Variants in LIMK2 observed in about 807,000 individuals in gnomAD.
LIMK2 encodes the protein LIM domain kinase 2.
Under a neutral mutation model 75.7 loss-of-function variants are expected in LIMK2, and 35 were observed. The ratio of observed to expected loss-of-function variants is 0.46; its 90% CI spans 0.35 to 0.61. LIMK2 has a LOEUF of 0.61. LIMK2 is among the 20% of genes least tolerant of loss of function. The pLI is 0.00. For synonymous variants in LIMK2, 301 were observed against 319.2 expected (o/e 0.94, Z 0.61); for missense variants, 623 against 831.0 (o/e 0.75, Z 3.08).
rs141429093 is a variant in LIMK2 at position 31,233,394 on chromosome 22, A to T, written c.116+7575A>T. Reference sequence around the variant, plus strand: ...ATGTTCTCTTCCCTTGGCTTTCATGACATTCCACACTCTCCTGGTTTTCTC... The same window carrying T: ...ATGTTCTCTTCCCTTGGCTTTCATGTCATTCCACACTCTCCTGGTTTTCTC... On this transcript the variant is annotated intron_variant, in intron 2 of 15. Coordinates refer to ENST00000331728, the MANE Select transcript of LIMK2 (RefSeq NM_005569.4). Among the ~76,000 whole-genome samples, 38 of 152,302 alleles carry T rather than the reference A, an allele frequency of 2.5e-4. No homozygotes were observed. The East Asian group carries it at 2.7e-3, about 11-fold the overall frequency.
intron 15 of LIMK2, chr22:31,276,729 GCCCCGGCCCCGGCC>G (rs2049026774): frequency 6.8e-7 from 1 of 1,473,560 alleles, no homozygotes; most frequent in South Asian, 1.3e-5. Context: ...GGCGTTGGCG[GCCCCGGCCCCGGCC>G]CCCAGGCCAG....
intron 2 of LIMK2, among the ~76,000 whole-genome samples, chr22:31,235,906 C>A (rs1173147026): frequency 6.6e-6 from 1 of 152,186 alleles, no homozygotes; most frequent in African/African-American, 2.4e-5. Flanking sequence ...CACTCTAGAA[C>A]CAGATTGCTT....
chr22:31,219,824 G>A (rs1375015301), intron 1 of LIMK2, among the ~76,000 whole-genome samples: 3 of 152,014 alleles, frequency 2.0e-5, no homozygotes, highest in African/African-American at 4.8e-5. Flanking sequence ...CACCCGCCTC[G>A]GCCTCCCAAA....
chr22:31,231,545 G>A (rs774339206), intron 2 of LIMK2, among the ~76,000 whole-genome samples: 4 of 152,200 alleles, frequency 2.6e-5, no homozygotes, highest in African/African-American at 4.8e-5. Context: ...CAGACATCTG[G>A]TTCTTCCTCT....
At chr22:31,230,056 C>CTTTT (rs33933239) in intron 2 of LIMK2, 95 of 120,704 alleles carry the variant, frequency 7.9e-4, no homozygotes, top group African/African-American at 1.1e-3. Context: ...TTCTTTCTTT[C>CTTTT]TTTTTTTTTT....
rs1231190141 is a variant in LIMK2, at chr22:31,245,656, T to C, written c.117-12635T>C. ...GGTCTTGGTTTGTTACCCAGGCTGGTCTCAAACTTCTGGCTTCAAGCAGTC... is the reference window on the plus strand; with the variant it reads ...GGTCTTGGTTTGTTACCCAGGCTGGCCTCAAACTTCTGGCTTCAAGCAGTC... On this transcript the variant is annotated intron_variant, in intron 2 of 15. Transcript: ENST00000331728. Among the ~76,000 whole-genome samples, 4 of 152,016 alleles carry C rather than the reference T, an allele frequency of 2.6e-5. No homozygotes were observed. The East Asian group carries it at 7.7e-4, about 29-fold the overall frequency.
At chr22:31,239,598 A>T (rs951208950) in intron 2 of LIMK2, among the ~76,000 whole-genome samples, 5 of 151,908 alleles carry the variant, frequency 3.3e-5, no homozygotes, top group African/African-American at 1.2e-4. Context: ...ACCTCTCCCC[A>T]CCAATCAGAG....
intron 14 of LIMK2, among the ~76,000 whole-genome samples, 158 bp downstream of exon 14, chr22:31,273,665 C>T (rs1030362073): frequency 2.6e-5 from 4 of 152,148 alleles, no homozygotes; most frequent in African/African-American, 9.7e-5. Flanking sequence ...ATCTTTGCCA[C>T]GTTCGTGTTT....
intron 1 of LIMK2, among the ~76,000 whole-genome samples, chr22:31,221,477 A>C (rs1392045385): frequency 2.6e-5 from 4 of 151,754 alleles, no homozygotes; most frequent in Non-Finnish European, 4.4e-5. Flanking sequence ...ATTATAAATA[A>C]ATAATAATAA....
chr22:31,246,211 A>C (rs1393538899), intron 2 of LIMK2, among the ~76,000 whole-genome samples: 1 of 147,250 alleles, frequency 6.8e-6, no homozygotes, highest in African/African-American at 2.6e-5. Flanking sequence ...ACACACACAC[A>C]CACACGCTGG....
At chr22:31,252,136 T>G (rs961611444) in intron 2 of LIMK2, among the ~76,000 whole-genome samples, 1 of 152,236 alleles carries the variant, frequency 6.6e-6, no homozygotes, top group Non-Finnish European at 1.5e-5. Flanking sequence ...AAGTGAGGGC[T>G]GGGCCTCTAT....
At chr22:31,265,874 TC>T in intron 7 of LIMK2, 71 bp from the exon 8 acceptor site, 1 of 1,307,476 alleles carries the variant, frequency 7.6e-7, no homozygotes, top group Non-Finnish European at 1.1e-6. Context: ...CCCCTAAGTT[TC>T]CTCCCTCCAG....
At chr22:31,266,746 T>TC (rs2048899959) in intron 8 of LIMK2, among the ~76,000 whole-genome samples, 1 of 152,172 alleles carries the variant, frequency 6.6e-6, no homozygotes, top group South Asian at 2.1e-4. Context: ...CTTCCCCACT[T>TC]CCCTTTTCTG....
At position 31,279,235 on chromosome 22, in the gene LIMK2, C is replaced by T. The variant is rs2049062298; in HGVS notation, c.*794C>T. 1 of 152,272 alleles carries T rather than the reference C, an allele frequency of 6.6e-6. No homozygotes were observed. The highest frequency in any genetic ancestry group is 2.4e-5 in the African/African-American group (1 of 41,466). 9.4% of individuals were successfully genotyped at this position (152,272 alleles called of 1,614,324 possible). ...TGGGGGACTAGAAAGAGGCCCTGCC[C>T]TCTAGAAAGCTCAGATCTTGGCTTC... On this transcript the variant is annotated 3_prime_UTR_variant, in exon 16 of 16. Transcript: ENST00000331728.
intron 8 of LIMK2, 111 bp downstream of exon 8, chr22:31,266,243 C>T: frequency 1.8e-6 from 2 of 1,088,624 alleles, no homozygotes; most frequent in Non-Finnish European, 2.7e-6. Context: ...GATGCCAGGC[C>T]TCCTTCCTGG....
chr22:31,275,611 CTG>C, intron 15 of LIMK2: 2 of 322,418 alleles, frequency 6.2e-6, no homozygotes, highest in South Asian at 5.2e-5. Context: ...CGATATTCCC[CTG>C]TCCATATCTA....
At chr22:31,213,426 G>C (rs1387720494) in intron 1 of LIMK2, among the ~76,000 whole-genome samples, 4 of 152,232 alleles carry the variant, frequency 2.6e-5, no homozygotes, top group Non-Finnish European at 5.9e-5. Flanking sequence ...GGGTATTGAG[G>C]TGGAGGGGGG....
intron 2 of LIMK2, among the ~76,000 whole-genome samples, chr22:31,245,057 C>T (rs571422459): frequency 6.6e-6 from 1 of 152,330 alleles, no homozygotes; most frequent in Non-Finnish European, 1.5e-5. Context: ...ACAAGTAGTG[C>T]TGCAAGCAAT....
chr22:31,262,174 A>G lies in LIMK2; in HGVS notation c.592A>G (p.Ile198Val), dbSNP rs2048846948. The G allele has an allele frequency of 1.2e-6, 2 of 1,614,212 alleles. No individual in the cohort carries two copies. Among genetic ancestry groups the G allele is most frequent in the Non-Finnish European group, 1.7e-6 (2 of 1,180,032 alleles). ...MHISPNNRNA[I>V]HPGDRILEIN... ...CATCAGTCCCAACAATCGAAACGCC[A>G]TCCACCCTGGGGACCGCATCCTGGA... Residue 198 changes from isoleucine (I) to valine (V), a missense_variant, in exon 6 of 16, where the codon ATC becomes GTC. Ile to Val is a conservative substitution (Grantham distance 29, BLOSUM62 3). This residue lies in a region of LIMK2 where 514 missense variants were observed against 661.3 expected (regional missense o/e 0.78). Transcript: ENST00000331728. This position sits in a 1 kb window ranked among gnomAD's most constrained non-coding sequence, Gnocchi z 5.0.
Sources: gnomAD v4.1 joint callset for allele counts (sites outside exome capture counted in the v4.1 genomes callset) on GRCh38, gnomAD v4.1.1 for gene constraint, gnomAD v4.1.1 regional missense constraint, Gnocchi (gnomAD v3.1) non-coding constraint, MANE v1.5 for transcripts, NCBI Gene and HGNC (gene_info 2026-07-23, HGNC 2026-07-21) for gene names.